Variants in TCEA3 observed in about 807,000 individuals in gnomAD.
TCEA3 encodes transcription elongation factor A3.
A neutral mutation model predicts 44.0 loss-of-function variants in TCEA3; 36 were observed. That is an observed-to-expected ratio of 0.82 (90% CI 0.63 to 1.08). TCEA3 has a LOEUF of 1.08. TCEA3 is among the 50% of genes least tolerant of loss of function. The pLI, the probability that TCEA3 is intolerant of heterozygous loss-of-function variation, is 0.00. For missense variants in TCEA3, 392 were observed against 441.2 expected (o/e 0.89, Z 1.00); for synonymous variants, 162 against 159.7 (o/e 1.01, Z -0.11).
chr1:23,424,698 G>C lies in TCEA3; in HGVS notation c.-65C>G. On this transcript the variant is annotated 5_prime_UTR_variant, in exon 1 of 11. Coordinates refer to ENST00000450454, the MANE Select transcript of TCEA3 (RefSeq NM_003196.3). ...CAGCAGTAGGGCCTCGGGGGCAGGA[G>C]GCGCGAAGGCGGAGGGCGCGCAACC... The C allele has an allele frequency of 7.5e-7, 1 of 1,327,966 alleles. No homozygotes were observed. The highest frequency in any genetic ancestry group is 1.0e-6 in the Non-Finnish European group (1 of 952,618). 82.3% of individuals were successfully genotyped at this position (1,327,966 alleles called of 1,614,324 possible).
chr1:23,408,744 G>C lies in TCEA3; in HGVS notation c.381-18C>G, dbSNP rs188471676. 1.9e-4 allele frequency: 306 copies of C among 1,594,244 alleles called. No individual in the cohort carries two copies. The East Asian group carries it at 6.7e-3, about 35-fold the overall frequency. On this transcript the variant is annotated intron_variant, in intron 4 of 10. Transcript: ENST00000450454. ...AGTCTCTCCTGAAAGAAGAAAATTG[G>C]CAAGGAGACTGCTTTGTAGACTAGC...
intron 8 of TCEA3, among the ~76,000 whole-genome samples, chr1:23,390,786 C>T (rs1189079306): frequency 6.6e-6 from 1 of 152,088 alleles, no homozygotes; most frequent in Non-Finnish European, 1.5e-5. Flanking sequence ...GAGTCAGAGA[C>T]CACAATTCTA....
chr1:23,399,144 G>GTATATATATATATATATATATATATA (rs60424866), intron 5 of TCEA3, among the ~76,000 whole-genome samples: 5 of 61,162 alleles, frequency 8.2e-5, no homozygotes, highest in Non-Finnish European at 1.3e-4. Flanking sequence ...ATGTATATAT[G>GTATATATATATATATATATATATATA]TATATATATA....
intron 1 of TCEA3, among the ~76,000 whole-genome samples, chr1:23,420,496 G>A (rs1445865922): frequency 6.6e-6 from 1 of 152,058 alleles, no homozygotes; most frequent in African/African-American, 2.4e-5. Flanking sequence ...CTCCTGCCTC[G>A]GCCTCCCAAA....
chr1:23,391,046 A>G (rs1441322422), intron 8 of TCEA3, among the ~76,000 whole-genome samples: 1 of 151,748 alleles, frequency 6.6e-6, no homozygotes, highest in African/African-American at 2.4e-5. Context: ...TGAGAGAGAC[A>G]CCGTCCACAT....
rs186544465 is a variant in TCEA3 at position 23,406,019 on chromosome 1, A to G, written c.443+2645T>C. On this transcript the variant is annotated intron_variant, in intron 5 of 10. Transcript: ENST00000450454. ...TGGCCCAAGTCATAGTGACAACCAT[A>G]AACGCCTCCACACATTTCTAAATGA... 1.7e-4 allele frequency among the ~76,000 whole-genome samples: 26 copies of G among 152,244 alleles called. No individual in the cohort carries two copies. The East Asian group carries it at 5.0e-3, about 29-fold the overall frequency.
At chr1:23,398,026 T>A in intron 5 of TCEA3, 71 bp from the exon 6 acceptor site, 1 of 1,549,684 alleles carries the variant, frequency 6.5e-7, no homozygotes, top group Non-Finnish European at 8.8e-7. Flanking sequence ...GCATTCTAGA[T>A]GTCTTGATGG....
At chr1:23,402,651 C>T (rs1639432666) in intron 5 of TCEA3, among the ~76,000 whole-genome samples, 1 of 152,164 alleles carries the variant, frequency 6.6e-6, no homozygotes, top group Non-Finnish European at 1.5e-5. Context: ...AGCACATCAC[C>T]TGATTTCTCG....
chr1:23,387,207 C>A lies in TCEA3; in HGVS notation c.966+66G>T, dbSNP rs1027067916. ...CTCTGGCTCTTCCCTAAGCTTCTCT[C>A]TGATTTTCCACCTCTATGCCCCTGC... On this transcript the variant is annotated intron_variant, in intron 9 of 10. Coordinates refer to ENST00000450454, the MANE Select transcript of TCEA3 (RefSeq NM_003196.3). 138 of 1,572,918 alleles carry A rather than the reference C, an allele frequency of 8.8e-5. No individual in the cohort carries two copies. The African/African-American group carries it at 1.6e-3, about 19-fold the overall frequency.
At chr1:23,417,078 A>G (rs1639913049) in intron 4 of TCEA3, among the ~76,000 whole-genome samples, 171 bp downstream of exon 4, 1 of 152,208 alleles carries the variant, frequency 6.6e-6, no homozygotes, top group South Asian at 2.1e-4. Flanking sequence ...GGGTCTTGTG[A>G]GTCTAACATC....
At chr1:23,417,120 C>CA (rs893519044) in intron 4 of TCEA3, 129 bp downstream of exon 4, 2 of 1,148,078 alleles carry the variant, frequency 1.7e-6, no homozygotes, top group African/African-American at 3.1e-5. Context: ...CCAGAGGGGG[C>CA]ACTGCAGGAG....
intron 5 of TCEA3, among the ~76,000 whole-genome samples, chr1:23,407,629 A>C (rs185760198): frequency 2.0e-5 from 3 of 152,090 alleles, no homozygotes; most frequent in Admixed American, 2.0e-4. Context: ...TGACAACTCC[A>C]TGAATATCCT....
At chr1:23,394,642 C>T (rs1218124153) in intron 7 of TCEA3, among the ~76,000 whole-genome samples, 1 of 152,196 alleles carries the variant, frequency 6.6e-6, no homozygotes, top group Non-Finnish European at 1.5e-5. Flanking sequence ...AGTCCCCTTC[C>T]CCTCTGTCCT....
intron 9 of TCEA3, among the ~76,000 whole-genome samples, chr1:23,386,430 G>A (rs902473459): frequency 7.2e-5 from 11 of 152,164 alleles, no homozygotes; most frequent in Admixed American, 4.6e-4. Context: ...CAGAGATGAC[G>A]TTTCACCACG....
chr1:23,423,044 T>C (rs1640112073), intron 1 of TCEA3, among the ~76,000 whole-genome samples: 1 of 152,188 alleles, frequency 6.6e-6, no homozygotes, highest in South Asian at 2.1e-4. Context: ...AACTGGAATT[T>C]GGCTCAGAAT....
chr1:23,417,676 A>G (rs3795295), intron 3 of TCEA3, among the ~76,000 whole-genome samples: 56,793 of 152,260 alleles, frequency 0.37, 12,771 homozygotes, highest in East Asian at 0.58. Context: ...ATGAGAGCAC[A>G]AACACGTAAG....
chr1:23,394,149 A>T (rs538938531), intron 7 of TCEA3, 116 bp from the exon 8 acceptor site: 1 of 1,282,420 alleles, frequency 7.8e-7, no homozygotes, highest in East Asian at 2.5e-5. Context: ...CTTCTACAGG[A>T]GTTGGGCCCC....
chr1:23,395,776 T>C (rs929286053), intron 7 of TCEA3, among the ~76,000 whole-genome samples: 9 of 148,162 alleles, frequency 6.1e-5, no homozygotes, highest in Non-Finnish European at 4.4e-5. Flanking sequence ...TGCAGTGAGC[T>C]GAGATCATGC....
chr1:23,383,929 G>T (rs1638745685), intron 10 of TCEA3: 2 of 1,024,164 alleles, frequency 2.0e-6, no homozygotes, highest in Non-Finnish European at 1.2e-6. Context: ...TTCTGACAGG[G>T]CTCAGCCTTC....
Sources: gnomAD v4.1 joint callset for allele counts (sites outside exome capture counted in the v4.1 genomes callset) on GRCh38, gnomAD v4.1.1 for gene constraint, MANE v1.5 for transcripts, NCBI Gene and HGNC (gene_info 2026-07-23, HGNC 2026-07-21) for gene names.